The following RASGRF2 variants were observed in gnomAD, a reference collection of about 807,000 sequenced individuals.
The protein encoded by RASGRF2 is ras-specific guanine nucleotide-releasing factor 2.
In RASGRF2, 76 loss-of-function variants were observed where a neutral mutation model predicts 151.0. The observed-to-expected ratio is 0.50, with a 90% CI of 0.42 to 0.61. The LOEUF is 0.61. Ranked by LOEUF, RASGRF2 falls within the 20% of genes least tolerant of loss-of-function variation. RASGRF2 has a pLI of 0.00. For synonymous variants in RASGRF2, 504 were observed against 566.5 expected (o/e 0.89, Z 1.57); for missense variants, 1,148 against 1,564.6 (o/e 0.73, Z 4.49).
intron 14 of RASGRF2, 159 bp from the exon 15 acceptor site, chr5:81,113,379 G>A: frequency 2.4e-6 from 2 of 830,890 alleles, no homozygotes; most frequent in Non-Finnish European, 3.7e-6. Flanking sequence ...TCTTTGGCAG[G>A]TGGAGGGTAT....
intron 1 of RASGRF2, among the ~76,000 whole-genome samples, chr5:80,963,509 T>C (rs1423860057): frequency 1.3e-5 from 2 of 152,250 alleles, no homozygotes; most frequent in African/African-American, 4.8e-5. Flanking sequence ...GCTAAGTTGG[T>C]TTCCAATTAC....
chr5:81,135,236 G>A (rs1753725637), intron 17 of RASGRF2, among the ~76,000 whole-genome samples: 1 of 152,146 alleles, frequency 6.6e-6, no homozygotes, highest in African/African-American at 2.4e-5. Context: ...GGGCCTGGGA[G>A]GTGGAGGCTG....
At chr5:81,067,363 G>A (rs1046634931) in intron 2 of RASGRF2, among the ~76,000 whole-genome samples, 1 of 152,196 alleles carries the variant, frequency 6.6e-6, no homozygotes, top group Non-Finnish European at 1.5e-5. Context: ...GTAAAAATCT[G>A]AGAGTAAGTT....
chr5:80,960,938 T>A lies in RASGRF2; in HGVS notation c.200T>A (p.Leu67His). ...AGCTGCCGCCCGGCGGGCATGTACCTCCTGGAGGGCTGCAGCTGCGAACGA... is the reference window on the plus strand; with the variant it reads ...AGCTGCCGCCCGGCGGGCATGTACCACCTGGAGGGCTGCAGCTGCGAACGA... ...EQSCRPAGMY[L>H]LEGCSCERTP... Residue 67 changes from leucine to histidine, a missense_variant, in exon 1 of 27, where the codon CTC becomes CAC. Transcript: ENST00000265080. The surrounding 1 kb of genome is among the most constrained non-coding windows in gnomAD (Gnocchi z 5.5). The A allele has an allele frequency of 6.3e-7, 1 of 1,586,228 alleles. No individual in the cohort carries two copies. Among genetic ancestry groups the A allele is most frequent in the East Asian group, 2.3e-5 (1 of 43,952 alleles).
In RASGRF2 at chr5:80,960,793, G is replaced by A; in HGVS notation, c.55G>A (p.Ala19Thr). The A allele has an allele frequency of 1.2e-6, 2 of 1,613,086 alleles. No homozygotes were observed. The highest frequency in any genetic ancestry group is 1.7e-6 in the Non-Finnish European group (2 of 1,179,522). Residue 19 changes from alanine (A) to threonine (T), a missense_variant, in exon 1 of 27, where the codon GCG becomes ACG. By Grantham distance (58) the Ala-to-Thr change is moderately conservative (BLOSUM62 0). Coordinates refer to ENST00000265080, the MANE Select transcript of RASGRF2 (RefSeq NM_006909.3). The surrounding 1 kb of genome is among the most constrained non-coding windows in gnomAD (Gnocchi z 5.5). ...EGHALYLAFL[A>T]RKEGTKRGFL... ...GCACGCCCTGTACCTGGCCTTTCTG[G>A]CGCGCAAGGAGGGCACCAAGCGCGG...
chr5:81,151,681 T>C (rs1431007398), intron 17 of RASGRF2, among the ~76,000 whole-genome samples: 1 of 152,200 alleles, frequency 6.6e-6, no homozygotes, highest in Non-Finnish European at 1.5e-5. Context: ...TTAAGAGTTC[T>C]TTGAGACTTC....
At chr5:81,008,122 T>TTTTC (rs1345139702) in intron 1 of RASGRF2, among the ~76,000 whole-genome samples, 1 of 150,908 alleles carries the variant, frequency 6.6e-6, no homozygotes. Context: ...TCAGTTTTCT[T>TTTTC]TTTCTTTCTT....
chr5:81,149,169 C>T (rs1022265857), intron 17 of RASGRF2, among the ~76,000 whole-genome samples: 1 of 152,206 alleles, frequency 6.6e-6, no homozygotes, highest in Non-Finnish European at 1.5e-5. Context: ...GACAAAGACA[C>T]ACGATCATGC....
intron 1 of RASGRF2, among the ~76,000 whole-genome samples, chr5:80,977,162 G>T (rs1285725657): frequency 6.6e-6 from 1 of 152,162 alleles, no homozygotes; most frequent in Non-Finnish European, 1.5e-5. Flanking sequence ...GGTTTGAGCA[G>T]AGTCCATCCT....
intron 26 of RASGRF2, chr5:81,223,392 A>G (rs1254588167): frequency 1.3e-5 from 2 of 152,248 alleles, no homozygotes; most frequent in Non-Finnish European, 2.9e-5. Context: ...CTGTAATCCC[A>G]GCACTTTGGG....
intron 22 of RASGRF2, chr5:81,210,276 A>G (rs1275807358): frequency 6.6e-6 from 1 of 152,214 alleles, no homozygotes; most frequent in East Asian, 1.9e-4. Context: ...CTCTTTCATC[A>G]GCAGCTCTCT....
intron 17 of RASGRF2, among the ~76,000 whole-genome samples, chr5:81,154,740 A>T (rs1754221125): frequency 1.3e-5 from 2 of 152,240 alleles, no homozygotes; most frequent in African/African-American, 4.8e-5. Context: ...CATGGGTCAA[A>T]GAAAAAATAG....
intron 1 of RASGRF2, among the ~76,000 whole-genome samples, chr5:81,006,673 C>T (rs951297749): frequency 6.6e-6 from 1 of 152,174 alleles, no homozygotes; most frequent in Non-Finnish European, 1.5e-5. Context: ...GAGGAAGGAG[C>T]CTTGAGACCT....
At position 81,138,016 on chromosome 5, in the gene RASGRF2, A is replaced by G. The variant is rs76646764; in HGVS notation, c.2686+10853A>G. ...CTTGATGTTTGCTGTAGCTATAGGAACCAAGGGCTTCAAATTCCTTCAATG... is the reference window on the plus strand; with the variant it reads ...CTTGATGTTTGCTGTAGCTATAGGAGCCAAGGGCTTCAAATTCCTTCAATG... On this transcript the variant is annotated intron_variant, in intron 17 of 26. Coordinates refer to ENST00000265080, the MANE Select transcript of RASGRF2 (RefSeq NM_006909.3). Among the ~76,000 whole-genome samples the G allele has an allele frequency of 4.1e-3, 629 of 151,930 alleles. 1 individual carries two copies. Among genetic ancestry groups the G allele is most frequent in the African/African-American group, 0.015 (607 of 41,446 alleles).
chr5:81,182,325 C>T lies in RASGRF2; in HGVS notation c.2793+2044C>T, dbSNP rs529255157. The stretch of plus-strand genomic sequence containing the variant: ...CTTCCCATAAGGTCTTTCCTTACCT[C>T]CCCTGCATGCATGAGTGGGCCTCAG... On this transcript the variant is annotated intron_variant, in intron 18 of 26. Coordinates refer to ENST00000265080, the MANE Select transcript of RASGRF2 (RefSeq NM_006909.3). Among the ~76,000 whole-genome samples the T allele has an allele frequency of 2.0e-5, 3 of 152,324 alleles. No homozygotes were observed. The South Asian group carries it at 6.2e-4, about 32-fold the overall frequency.
At chr5:81,012,948 G>C (rs2112318725) in intron 1 of RASGRF2, among the ~76,000 whole-genome samples, 1 of 152,260 alleles carries the variant, frequency 6.6e-6, no homozygotes. Context: ...TGAATAGCCT[G>C]GCTGGAATCA....
intron 6 of RASGRF2, 66 bp downstream of exon 6, chr5:81,080,266 C>T (rs1372563764): frequency 6.4e-7 from 1 of 1,565,590 alleles, no homozygotes; most frequent in African/African-American, 1.4e-5. Context: ...TAAAATAGCT[C>T]CAACATTATT....
intron 17 of RASGRF2, among the ~76,000 whole-genome samples, chr5:81,150,563 A>G (rs1754109664): frequency 6.6e-6 from 1 of 152,116 alleles, no homozygotes; most frequent in Admixed American, 6.5e-5. Flanking sequence ...AAATAGATGC[A>G]TCCCCCCATC....
intron 2 of RASGRF2, among the ~76,000 whole-genome samples, chr5:81,055,385 CAT>C (rs1751165654): frequency 6.6e-6 from 1 of 152,098 alleles, no homozygotes; most frequent in African/African-American, 2.4e-5. Context: ...TTGAGATAAT[CAT>C]GTGGTTTTTA....
Sources: gnomAD v4.1 joint callset for allele counts (sites outside exome capture counted in the v4.1 genomes callset) on GRCh38, gnomAD v4.1.1 for gene constraint, Gnocchi (gnomAD v3.1) non-coding constraint, MANE v1.5 for transcripts, NCBI Gene and HGNC (gene_info 2026-07-23, HGNC 2026-07-21) for gene names.